Variants in MYBL2 observed in about 807,000 individuals in gnomAD.
The protein encoded by MYBL2 is myb-related protein B.
A neutral mutation model predicts 79.9 loss-of-function variants in MYBL2; 28 were observed. That is an observed-to-expected ratio of 0.35 (90% CI 0.26 to 0.48). The LOEUF (loss-of-function observed/expected upper bound fraction) is 0.48, where lower values mean the gene tolerates loss of function less well. Among genes scored for constraint, MYBL2 ranks in the 20% least tolerant of loss-of-function variants. MYBL2 has a pLI of 0.99. For missense variants in MYBL2, 735 were observed against 893.9 expected (o/e 0.82, Z 2.27); for synonymous variants, 378 against 361.2 (o/e 1.05, Z -0.53).
chr20:43,713,180 C>T, intron 12 of MYBL2, 74 bp downstream of exon 12: 1 of 999,984 alleles, frequency 1.0e-6, no homozygotes. Context: ...AGTGACTCTC[C>T]AACTGGGCTT....
At chr20:43,694,530 G>A (rs192556355) in intron 6 of MYBL2, among the ~76,000 whole-genome samples, 35 of 152,160 alleles carry the variant, frequency 2.3e-4, no homozygotes, top group African/African-American at 8.4e-4. Flanking sequence ...GAGATAACTT[G>A]TTGACAGTTA....
intron 3 of MYBL2, among the ~76,000 whole-genome samples, chr20:43,682,461 C>G (rs917078363): frequency 1.3e-5 from 2 of 152,250 alleles, no homozygotes; most frequent in Non-Finnish European, 2.9e-5. Flanking sequence ...GTAATCTGAA[C>G]TCTTCAGGGA....
intron 8 of MYBL2, among the ~76,000 whole-genome samples, chr20:43,704,390 C>A (rs992708729): frequency 1.3e-5 from 2 of 152,160 alleles, no homozygotes; most frequent in African/African-American, 4.8e-5. Context: ...GTTGGGACTT[C>A]AGGATGTAAA....
In MYBL2 at chr20:43,687,125, T is replaced by C; in HGVS notation, c.500+53T>C. On this transcript the variant is annotated intron_variant, in intron 5 of 13. Transcript: ENST00000217026. ...AGGTTCCCGGGAGGCCAGGCCCGTG[T>C]TTCTGATGGAGGAGGGTTCCTGGGT... 4 of 1,567,800 alleles carry C rather than the reference T, an allele frequency of 2.6e-6. No homozygotes were observed. The South Asian group carries it at 4.6e-5, about 18-fold the overall frequency.
intron 1 of MYBL2, among the ~76,000 whole-genome samples, chr20:43,669,168 G>T (rs975360367): frequency 6.6e-6 from 1 of 152,152 alleles, no homozygotes; most frequent in Non-Finnish European, 1.5e-5. Context: ...ATGGAAGGGG[G>T]CGGGAGTGGC....
At chr20:43,698,694 G>T (rs1987614932) in intron 6 of MYBL2, among the ~76,000 whole-genome samples, 1 of 144,478 alleles carries the variant, frequency 6.9e-6, no homozygotes. Flanking sequence ...AAATGAGCAG[G>T]GTCTTGCTCT....
At chr20:43,687,439 T>A (rs1038007004) in intron 5 of MYBL2, among the ~76,000 whole-genome samples, 3 of 152,228 alleles carry the variant, frequency 2.0e-5, no homozygotes, top group Non-Finnish European at 4.4e-5. Flanking sequence ...ATGGGCTTTC[T>A]TTAAGAAGAA....
At position 43,700,112 on chromosome 20, in the gene MYBL2, C is replaced by T. The variant is rs2145727335; in HGVS notation, c.951+68C>T. On this transcript the variant is annotated intron_variant, in intron 7 of 13. Transcript: ENST00000217026. The stretch of plus-strand genomic sequence containing the variant: ...CAGCAGGAAGTGCTTCTCTCTCAGG[C>T]CCACATCCTTTTGCTCATTCCATCG... 2.6e-6 allele frequency: 4 copies of T among 1,545,800 alleles called. No homozygotes were observed. In the South Asian group the frequency reaches 3.6e-5, roughly 14 times the overall value.
At chr20:43,677,320 C>G (rs113972372) in intron 2 of MYBL2, among the ~76,000 whole-genome samples, 1 of 152,136 alleles carries the variant, frequency 6.6e-6, no homozygotes. Flanking sequence ...TGTTGGTGCT[C>G]ACTGTTGTAG....
At chr20:43,667,338 C>T (rs1388757361) in intron 1 of MYBL2, 35 bp downstream of exon 1, 26 of 1,215,428 alleles carry the variant, frequency 2.1e-5, no homozygotes, top group African/African-American at 7.8e-5. Flanking sequence ...GCCCCTCCCC[C>T]TCCCTTTAAC....
At chr20:43,691,577 G>A (rs180951151) in intron 5 of MYBL2, among the ~76,000 whole-genome samples, 74 of 130,540 alleles carry the variant, frequency 5.7e-4, no homozygotes, top group African/African-American at 1.8e-3. Flanking sequence ...TTTTACTTTT[G>A]TTCCCAGGCT....
intron 1 of MYBL2, among the ~76,000 whole-genome samples, chr20:43,669,562 G>T (rs1986811633): frequency 6.6e-6 from 1 of 152,204 alleles, no homozygotes; most frequent in Admixed American, 6.5e-5. Flanking sequence ...AAAAGGTAGG[G>T]TATGTTGGAC....
intron 12 of MYBL2, among the ~76,000 whole-genome samples, chr20:43,713,447 G>A (rs918259885): frequency 3.3e-5 from 5 of 151,238 alleles, no homozygotes; most frequent in African/African-American, 9.7e-5. Flanking sequence ...GAGTGCAATG[G>A]TGCCATCTCG....
intron 2 of MYBL2, among the ~76,000 whole-genome samples, chr20:43,675,761 TTG>T (rs34999422): frequency 5.4e-5 from 8 of 148,178 alleles, no homozygotes; most frequent in East Asian, 2.0e-4. Context: ...TTTGGGGGCT[TTG>T]TGTGTGTGTG....
intron 6 of MYBL2, among the ~76,000 whole-genome samples, chr20:43,697,558 C>G (rs1431520692): frequency 6.6e-6 from 1 of 151,638 alleles, no homozygotes; most frequent in Non-Finnish European, 1.5e-5. Context: ...TTGCAGTGAG[C>G]TGAGAGTGTG....
At chr20:43,672,322 G>A (rs1287182774) in intron 1 of MYBL2, among the ~76,000 whole-genome samples, 1 of 6,968 alleles carries the variant, frequency 1.4e-4, no homozygotes, top group African/African-American at 2.9e-4. Context: ...AGACACGGTG[G>A]TGCACACCTG....
intron 11 of MYBL2, among the ~76,000 whole-genome samples, chr20:43,712,397 G>C (rs1194542599): frequency 6.6e-6 from 1 of 152,112 alleles, no homozygotes; most frequent in Non-Finnish European, 1.5e-5. Flanking sequence ...TTGGCCTCTG[G>C]CCTCCAGGGT....
intron 1 of MYBL2, among the ~76,000 whole-genome samples, chr20:43,671,694 A>G (rs1185892459): frequency 1.3e-5 from 2 of 149,858 alleles, no homozygotes; most frequent in Non-Finnish European, 3.0e-5. Flanking sequence ...CTAGTCTCGA[A>G]CTCCCGACCT....
At chr20:43,702,105 C>T (rs1168797551) in intron 7 of MYBL2, among the ~76,000 whole-genome samples, 3 of 151,874 alleles carry the variant, frequency 2.0e-5, no homozygotes, top group Non-Finnish European at 4.4e-5. Flanking sequence ...ACAGCCTGGG[C>T]GACAGAGCAA....
Sources: gnomAD v4.1 joint callset for allele counts (sites outside exome capture counted in the v4.1 genomes callset) on GRCh38, gnomAD v4.1.1 for gene constraint, MANE v1.5 for transcripts, NCBI Gene and HGNC (gene_info 2026-07-23, HGNC 2026-07-21) for gene names.